Variants in LRRC4C observed in about 807,000 individuals in gnomAD.
LRRC4C encodes the protein leucine rich repeat containing 4C.
Under a neutral mutation model 33.6 loss-of-function variants are expected in LRRC4C, and 5 were observed. The ratio of observed to expected loss-of-function variants is 0.15; its 90% CI spans 0.08 to 0.31. LRRC4C has a LOEUF of 0.31. LRRC4C is among the 10% of genes least tolerant of loss of function. The pLI, the probability that LRRC4C is intolerant of heterozygous loss-of-function variation, is 1.00. For synonymous variants in LRRC4C, 329 were observed against 302.0 expected (o/e 1.09, Z -0.93); for missense variants, 560 against 796.7 (o/e 0.70, Z 3.58).
At chr11:41,182,543 T>C (rs1362510439) in intron 1 of LRRC4C, among the ~76,000 whole-genome samples, 1 of 152,164 alleles carries the variant, frequency 6.6e-6, no homozygotes, top group African/African-American at 2.4e-5. Context: ...CTTATTGTTA[T>C]ATTATTGATA....
At chr11:41,316,280 C>CAAAAAAAAAAA (rs796848005) in intron 1 of LRRC4C, among the ~76,000 whole-genome samples, 1 of 90,656 alleles carries the variant, frequency 1.1e-5, no homozygotes, top group African/African-American at 3.8e-5. Flanking sequence ...AAAAAAAAAA[C>CAAAAAAAAAAA]AAAAAAAAAC....
chr11:41,350,478 C>A (rs1951942576), intron 1 of LRRC4C, among the ~76,000 whole-genome samples: 1 of 143,192 alleles, frequency 7.0e-6, no homozygotes, highest in African/African-American at 2.6e-5. Context: ...CCACTGCACT[C>A]CAGCCTGGGC....
At chr11:41,441,914 A>G (rs1196518729) in intron 1 of LRRC4C, among the ~76,000 whole-genome samples, 1 of 152,204 alleles carries the variant, frequency 6.6e-6, no homozygotes, top group Admixed American at 6.5e-5. Flanking sequence ...GCCCTCAGAA[A>G]TAAAACATAA....
At chr11:40,316,462 A>G (rs763509250) in intron 4 of LRRC4C, among the ~76,000 whole-genome samples, 37 of 152,096 alleles carry the variant, frequency 2.4e-4, no homozygotes, top group Non-Finnish European at 4.1e-4. Context: ...TCCCTCTACT[A>G]GCAAAAAGAA....
intron 4 of LRRC4C, among the ~76,000 whole-genome samples, chr11:40,307,633 T>C (rs889779875): frequency 6.6e-6 from 1 of 152,204 alleles, no homozygotes; most frequent in Non-Finnish European, 1.5e-5. Context: ...CTGTTGAAAC[T>C]GAAAACTGCA....
At chr11:40,941,920 T>C (rs1244372045) in intron 1 of LRRC4C, among the ~76,000 whole-genome samples, 1 of 152,116 alleles carries the variant, frequency 6.6e-6, no homozygotes, top group East Asian at 1.9e-4. Context: ...ATTATAGCTA[T>C]GTTAGTTCAA....
chr11:40,213,637 C>T (rs1050733026), intron 5 of LRRC4C, among the ~76,000 whole-genome samples: 2 of 152,042 alleles, frequency 1.3e-5, no homozygotes, highest in Admixed American at 6.6e-5. Flanking sequence ...CTACTATACA[C>T]GTATGTAGTA....
intron 3 of LRRC4C, among the ~76,000 whole-genome samples, chr11:40,363,814 T>C (rs929340080): frequency 1.3e-5 from 2 of 152,186 alleles, no homozygotes; most frequent in African/African-American, 4.8e-5. Flanking sequence ...CTGGAACCAA[T>C]GAACACTGTT....
At chr11:41,239,582 G>A (rs1049994782) in intron 1 of LRRC4C, among the ~76,000 whole-genome samples, 1 of 152,016 alleles carries the variant, frequency 6.6e-6, no homozygotes, top group Non-Finnish European at 1.5e-5. Flanking sequence ...CCTCAAATGT[G>A]ACTGTCTTAC....
chr11:40,887,677 G>T (rs1955526969), intron 2 of LRRC4C, among the ~76,000 whole-genome samples: 1 of 151,932 alleles, frequency 6.6e-6, no homozygotes, highest in Admixed American at 6.6e-5. Context: ...GAAATTAAAA[G>T]GTAGGTCTAT....
chr11:40,926,108 T>A (rs1364921343), intron 2 of LRRC4C, among the ~76,000 whole-genome samples: 1 of 151,932 alleles, frequency 6.6e-6, no homozygotes, highest in Non-Finnish European at 1.5e-5. Flanking sequence ...TCCTAAGAAC[T>A]AGTCAGACTT....
intron 1 of LRRC4C, among the ~76,000 whole-genome samples, chr11:41,351,797 G>T (rs1392803037): frequency 6.6e-6 from 1 of 152,126 alleles, no homozygotes. Flanking sequence ...ATAAGCAAAG[G>T]TGAAATAAAA....
chr11:40,941,301 G>T (rs1014195697), intron 1 of LRRC4C, among the ~76,000 whole-genome samples: 1 of 152,032 alleles, frequency 6.6e-6, no homozygotes, highest in Non-Finnish European at 1.5e-5. Context: ...CTCCTTACTT[G>T]AAATATTAAG....
At chr11:40,904,686 G>T (rs1185667541) in intron 2 of LRRC4C, among the ~76,000 whole-genome samples, 2 of 152,230 alleles carry the variant, frequency 1.3e-5, no homozygotes, top group Non-Finnish European at 2.9e-5. Context: ...TCACTGGTTT[G>T]CAGGTTAGGC....
intron 1 of LRRC4C, among the ~76,000 whole-genome samples, chr11:41,042,997 TTTG>T (rs1226888871): frequency 5.5e-4 from 56 of 101,944 alleles, no homozygotes; most frequent in African/African-American, 1.8e-3. Flanking sequence ...TGCCACCTGT[TTTG>T]TTTTTTTTTT....
intron 1 of LRRC4C, among the ~76,000 whole-genome samples, chr11:41,282,808 C>G (rs1949714749): frequency 1.3e-5 from 2 of 152,152 alleles, no homozygotes; most frequent in African/African-American, 4.8e-5. Context: ...GAGCCAACCA[C>G]GCAGAAACAG....
At chr11:40,126,438 G>T (rs1164813927) in intron 6 of LRRC4C, among the ~76,000 whole-genome samples, 1 of 152,116 alleles carries the variant, frequency 6.6e-6, no homozygotes, top group Non-Finnish European at 1.5e-5. Flanking sequence ...CCAACATGGG[G>T]TCATGTGCTG....
intron 3 of LRRC4C, among the ~76,000 whole-genome samples, chr11:40,457,839 A>G (rs1040553859): frequency 6.6e-6 from 1 of 152,146 alleles, no homozygotes; most frequent in African/African-American, 2.4e-5. Flanking sequence ...CTTGTATAGT[A>G]TGAAATTTTT....
At chr11:41,408,750 A>T (rs1296548954) in intron 1 of LRRC4C, among the ~76,000 whole-genome samples, 1 of 27,446 alleles carries the variant, frequency 3.6e-5, no homozygotes, top group Non-Finnish European at 9.1e-5. Context: ...ATTTTTGTAA[A>T]AAAAAAAAAA....
Sources: allele counts gnomAD v4.1 joint callset (sites outside exome capture counted in the v4.1 genomes callset), GRCh38; gene constraint gnomAD v4.1.1; transcripts MANE v1.5; gene names NCBI Gene and HGNC (gene_info 2026-07-23, HGNC 2026-07-21).